Variants in STX8 observed in about 807,000 individuals in gnomAD.
STX8 encodes the protein syntaxin 8.
STX8 carries 23 observed loss-of-function variants against 37.5 expected under a neutral mutation model. The ratio of observed to expected loss-of-function variants is 0.61; its 90% CI spans 0.44 to 0.87. The LOEUF (loss-of-function observed/expected upper bound fraction) is 0.87. Among genes scored for constraint, STX8 ranks in the 40% least tolerant of loss-of-function variants. The pLI is 0.00. For synonymous variants in STX8, 115 were observed against 99.1 expected, an observed-to-expected ratio of 1.16 and a Z score of -0.95; for missense variants, 313 against 284.7, an observed-to-expected ratio of 1.10 and a Z score of -0.71.
At chr17:9,497,930 A>C (rs1039566444) in intron 5 of STX8, among the ~76,000 whole-genome samples, 1 of 152,210 alleles carries the variant, frequency 6.6e-6, no homozygotes, top group Non-Finnish European at 1.5e-5. Context: ...TCTCTGCTAG[A>C]CAGAAAGACT....
At chr17:9,514,108 A>C (rs973669696) in intron 4 of STX8, among the ~76,000 whole-genome samples, 1 of 152,184 alleles carries the variant, frequency 6.6e-6, no homozygotes, top group African/African-American at 2.4e-5. Flanking sequence ...TGAGTGTTCT[A>C]TTCACCACTG....
chr17:9,397,589 G>A (rs754645714), intron 6 of STX8, among the ~76,000 whole-genome samples: 13 of 152,110 alleles, frequency 8.5e-5, no homozygotes, highest in African/African-American at 1.2e-4. Flanking sequence ...AAGAGTTCTC[G>A]ATAACCAAAG....
chr17:9,437,133 TATTA>T (rs1483240655), intron 6 of STX8, among the ~76,000 whole-genome samples: 3 of 152,254 alleles, frequency 2.0e-5, no homozygotes, highest in African/African-American at 7.2e-5. Context: ...ACAGTTGTAC[TATTA>T]ATTTAATGAG....
intron 7 of STX8, among the ~76,000 whole-genome samples, chr17:9,301,207 A>C (rs146943007): frequency 1.3e-5 from 2 of 152,100 alleles, no homozygotes; most frequent in African/African-American, 4.8e-5. Context: ...AGTTTGTGAT[A>C]GTTATTATTT....
intron 7 of STX8, among the ~76,000 whole-genome samples, chr17:9,257,055 T>TGC (rs991922742): frequency 6.6e-6 from 1 of 152,222 alleles, no homozygotes; most frequent in Non-Finnish European, 1.5e-5. Flanking sequence ...ACTCAGCTCC[T>TGC]GCCCTGGGCC....
chr17:9,370,556 T>C (rs563785017), intron 7 of STX8, among the ~76,000 whole-genome samples: 3 of 152,268 alleles, frequency 2.0e-5, no homozygotes, highest in East Asian at 3.9e-4. Flanking sequence ...CCAATGGTCG[T>C]CGATTGAGAC....
At chr17:9,265,776 C>T (rs1907211668) in intron 7 of STX8, among the ~76,000 whole-genome samples, 1 of 152,194 alleles carries the variant, frequency 6.6e-6, no homozygotes, top group African/African-American at 2.4e-5. Context: ...AAAGCTCTGC[C>T]CTCACCAAAC....
intron 6 of STX8, among the ~76,000 whole-genome samples, chr17:9,443,588 T>G (rs533098050): frequency 6.6e-6 from 1 of 152,274 alleles, no homozygotes; most frequent in South Asian, 2.1e-4. Context: ...GCCACTCCCT[T>G]GAGCCACAGA....
intron 6 of STX8, among the ~76,000 whole-genome samples, chr17:9,456,726 G>A (rs977489922): frequency 4.6e-5 from 7 of 152,098 alleles, no homozygotes; most frequent in Non-Finnish European, 1.0e-4. Flanking sequence ...ATTTGAAAGT[G>A]CACCTGCTGA....
chr17:9,557,460 C>T lies in STX8; in HGVS notation c.186G>A (p.Leu62=). 1.2e-6 allele frequency: 2 copies of T among 1,613,950 alleles called. No homozygotes were observed. Among genetic ancestry groups the T allele is most frequent in the Non-Finnish European group, 1.7e-6 (2 of 1,179,882 alleles). ...KEKIALLKDL[L]LRAVSTHQIT... ...TCTGATGTGTTGACACAGCTCTTAG[C>T]AATAAGTCCTTCAAAAGGGCGATCT... is the stretch of plus-strand genomic sequence containing the variant. The change falls in exon 3 of 8, where the codon TTG becomes TTA. Residue 62 remains leucine, a synonymous_variant. Transcript: ENST00000306357.
At chr17:9,327,205 AAGG>A (rs1285142682) in intron 7 of STX8, among the ~76,000 whole-genome samples, 1 of 148,254 alleles carries the variant, frequency 6.7e-6, no homozygotes, top group African/African-American at 2.5e-5. Context: ...AAGAAGGAAG[AAGG>A]AGGAAGAAGG....
chr17:9,505,088 C>G lies in STX8; in HGVS notation c.398G>C (p.Arg133Thr), dbSNP rs761001871. The G allele has an allele frequency of 4.8e-5, 78 of 1,613,208 alleles. No homozygotes were observed. The highest frequency in any genetic ancestry group is 6.4e-5 in the Non-Finnish European group (75 of 1,179,712). Reference sequence around the variant, plus strand: ...CCGGATTTCATCAAAACCCAAGCCTCTGGTCTCCTCTGGCTCCTCAAAGAG... The same window carrying G: ...CCGGATTTCATCAAAACCCAAGCCTGTGGTCTCCTCTGGCTCCTCAAAGAG... Reference protein sequence around the residue: ...PWLFEEPEETRGLGFDEIRQQ... With the variant: ...PWLFEEPEETTGLGFDEIRQQ... Residue 133 changes from arginine to threonine, a missense_variant, in exon 5 of 8, where the codon AGA (arginine) becomes ACA (threonine). Transcript: ENST00000306357.
At chr17:9,253,594 G>T (rs952537852) in intron 7 of STX8, among the ~76,000 whole-genome samples, 3 of 152,058 alleles carry the variant, frequency 2.0e-5, no homozygotes, top group Non-Finnish European at 4.4e-5. Flanking sequence ...CCAGGGCCTG[G>T]GCTCACCCTA....
At chr17:9,465,182 T>C (rs142112398) in intron 6 of STX8, among the ~76,000 whole-genome samples, 6 of 151,686 alleles carry the variant, frequency 4.0e-5, no homozygotes, top group Admixed American at 6.5e-5. Flanking sequence ...CAGAGGATTA[T>C]TACTTGAAGT....
At chr17:9,265,231 T>C (rs118111954) in intron 7 of STX8, among the ~76,000 whole-genome samples, 2,809 of 152,274 alleles carry the variant, frequency 0.018, 31 homozygotes, top group Non-Finnish European at 0.03. Context: ...ATACTATAGA[T>C]GTCCTAAAGA....
intron 7 of STX8, among the ~76,000 whole-genome samples, chr17:9,289,909 T>C (rs1419434014): frequency 2.6e-5 from 4 of 152,174 alleles, no homozygotes; most frequent in African/African-American, 9.7e-5. Context: ...GATATTGATA[T>C]GGTCAAAATG....
At chr17:9,373,705 C>T (rs555380898) in intron 7 of STX8, among the ~76,000 whole-genome samples, 19 of 152,150 alleles carry the variant, frequency 1.2e-4, no homozygotes, top group Non-Finnish European at 2.1e-4. Context: ...TTTGGAAGGC[C>T]GAGGAGGGTG....
At chr17:9,529,621 G>T (rs12942488) in intron 4 of STX8, among the ~76,000 whole-genome samples, 4,543 of 152,252 alleles carry the variant, frequency 0.03, 105 homozygotes, top group South Asian at 0.075. Flanking sequence ...AACACTGTAA[G>T]TCTCACCTTT....
chr17:9,470,213 C>T (rs1027357833), intron 6 of STX8, among the ~76,000 whole-genome samples: 1 of 152,148 alleles, frequency 6.6e-6, no homozygotes, highest in East Asian at 1.9e-4. Context: ...AAGAGAATGT[C>T]GTGTCTCTTC....
Sources: gnomAD v4.1 joint callset for allele counts (sites outside exome capture counted in the v4.1 genomes callset) on GRCh38, gnomAD v4.1.1 for gene constraint, MANE v1.5 for transcripts, NCBI Gene and HGNC (gene_info 2026-07-23, HGNC 2026-07-21) for gene names.